UPRT: variants seen among roughly 807,000 people sequenced by gnomAD.
UPRT encodes RP11-311P8.3.
In UPRT, 5 loss-of-function variants were observed where a neutral mutation model predicts 22.6. The ratio of observed to expected loss-of-function variants is 0.22; its 90% CI spans 0.12 to 0.47. The LOEUF (loss-of-function observed/expected upper bound fraction) is 0.47, where lower values mean the gene tolerates loss of function less well. UPRT is among the 20% of genes least tolerant of loss of function. UPRT has a pLI of 0.99. For synonymous variants in UPRT, 77 were observed against 87.7 expected (o/e 0.88, Z 0.68); for missense variants, 181 against 239.9 (o/e 0.75, Z 1.62).
intron 4 of UPRT, among the ~76,000 whole-genome samples, chrX:75,238,530 A>G (rs1166244703): frequency 8.9e-6 from 1 of 111,884 alleles, no homozygotes; most frequent in East Asian, 2.8e-4. Flanking sequence ...ATAGTGGGAA[A>G]CTTCAGTACT....
At chrX:75,248,603 G>A (rs1466240734) in intron 4 of UPRT, among the ~76,000 whole-genome samples, 4 of 111,979 alleles carry the variant, frequency 3.6e-5, no homozygotes, top group African/African-American at 6.5e-5. Flanking sequence ...TGAAAGTGAC[G>A]GGGAGAATGG....
chrX:75,186,852 T>A (rs781028534), intron 4 of UPRT, among the ~76,000 whole-genome samples: 2 of 111,677 alleles, frequency 1.8e-5, no homozygotes, highest in South Asian at 7.5e-4. Flanking sequence ...AACCCCTGTC[T>A]TTTTTTGTTT....
At chrX:75,282,866 T>C (rs918941831) in intron 1 of UPRT, among the ~76,000 whole-genome samples, 1 of 111,943 alleles carries the variant, frequency 8.9e-6, no homozygotes, top group Non-Finnish European at 1.9e-5. Context: ...GTGCTGTCAG[T>C]GGAGTACTGA....
chrX:75,229,855 TTGAC>T (rs1293874684), intron 4 of UPRT, among the ~76,000 whole-genome samples: 1 of 111,703 alleles, frequency 9.0e-6, no homozygotes, highest in Admixed American at 9.5e-5. Context: ...TGTAATAATT[TTGAC>T]TGAGCACAAA....
intron 4 of UPRT, among the ~76,000 whole-genome samples, chrX:75,206,480 G>A (rs1390280234): frequency 9.0e-6 from 1 of 110,824 alleles, no homozygotes; most frequent in Non-Finnish European, 1.9e-5. Context: ...TTAAGAGCTG[G>A]AGTAGGGGCC....
In UPRT at chrX:75,180,695, G is replaced by GTTTTTTTTTTTTTT. The variant is rs61040746; in HGVS notation, c.-447+12828_-447+12841dup. Among the ~76,000 whole-genome samples the GTTTTTTTTTTTTTT allele has an allele frequency of 4.3e-4, 15 of 34,658 alleles. 1 individual carries two copies. Among genetic ancestry groups the GTTTTTTTTTTTTTT allele is most frequent in the African/African-American group, 1.9e-3 (15 of 7,794 alleles). 30.1% of individuals were successfully genotyped at this position (34,658 alleles called of 115,157 possible). The stretch of plus-strand genomic sequence containing the variant: ...CCCTTTTCTCTGTTTTTTTTTTTTT[G>GTTTTTTTTTTTTTT]TTTTTTTTTTTTTTTTTTTTTTTTT... On this transcript the variant is annotated intron_variant, in intron 4 of 13. Transcript: ENST00000652605.
Position 75,198,950 on chromosome X carries a change from T to A in UPRT, c.-447+31071T>A, listed in dbSNP as rs183125507. 4.5e-5 allele frequency among the ~76,000 whole-genome samples: 5 copies of A among 111,821 alleles called. No individual in the cohort carries two copies. In the East Asian group the frequency reaches 1.4e-3, roughly 32 times the overall value. On this transcript the variant is annotated intron_variant, in intron 4 of 13. Transcript: ENST00000652605. ...AGCAGAAAGCAAAACAGGGCTAAAC[T>A]CAGCCCTAGCCTGTCCACAGAAGAA...
In UPRT at chrX:75,274,308, A is replaced by G. The variant is rs775412150; in HGVS notation, c.54A>G (p.Val18=). The part of the protein sequence containing the change: ...PDSMPCHNQQ[V]NSASTPSPEQ... Reference sequence around the variant, plus strand: ...CCATGCCCTGTCACAACCAGCAAGTAAACTCTGCCTCAACCCCAAGTCCCG... The same window carrying G: ...CCATGCCCTGTCACAACCAGCAAGTGAACTCTGCCTCAACCCCAAGTCCCG... Residue 18 remains valine (V), a synonymous_variant, in exon 1 of 7, where the codon GTA becomes GTG. Coordinates refer to ENST00000373383, the MANE Select transcript of UPRT (RefSeq NM_145052.4). The G allele has an allele frequency of 1.7e-6, 2 of 1,209,739 alleles. No homozygotes were observed. The highest frequency in any genetic ancestry group is 3.0e-5 in the East Asian group (1 of 33,747).
At chrX:75,278,252 T>A (rs1183312951) in intron 1 of UPRT, among the ~76,000 whole-genome samples, 1 of 112,163 alleles carries the variant, frequency 8.9e-6, no homozygotes, top group Non-Finnish European at 1.9e-5. Context: ...TGTATATATG[T>A]GAAACAGGCA....
chrX:75,303,478 A>C lies in UPRT; in HGVS notation c.897A>C (p.Thr299=). ...LTTEVHPVAP[T]HFGQKYFGTD is the part of the protein sequence containing the mutation. The stretch of plus-strand genomic sequence containing the variant: ...CTGAAGTTCATCCTGTTGCACCTAC[A>C]CATTTTGGACAGAAATACTTTGGAA... Residue 299 remains threonine (T), a synonymous_variant, in exon 7 of 7, where the codon ACA becomes ACC. Coordinates refer to ENST00000373383, the MANE Select transcript of UPRT (RefSeq NM_145052.4). The C allele has an allele frequency of 8.3e-7, 1 of 1,202,554 alleles. No individual in the cohort carries two copies. Among genetic ancestry groups the C allele is most frequent in the Non-Finnish European group, 1.1e-6 (1 of 890,210 alleles).
intron 3 of UPRT, 64 bp from the exon 4 acceptor site, chrX:75,297,426 CT>C (rs2082729547): frequency 3.6e-6 from 4 of 1,124,444 alleles, no homozygotes; most frequent in Non-Finnish European, 4.9e-6. Flanking sequence ...ACCGTAGACA[CT>C]TTATAAAATA....
intron 4 of UPRT, among the ~76,000 whole-genome samples, chrX:75,185,853 G>C (rs1009648754): frequency 9.0e-6 from 1 of 111,192 alleles, no homozygotes; most frequent in African/African-American, 3.3e-5. Flanking sequence ...TATTTCTGTG[G>C]GATTGGTGGT....
chrX:75,300,745 C>T (rs1294648685), intron 5 of UPRT, 122 bp from the exon 6 acceptor site: 5 of 503,891 alleles, frequency 9.9e-6, no homozygotes. Flanking sequence ...CGAGATCATG[C>T]CACTGCACTC....
intron 4 of UPRT, among the ~76,000 whole-genome samples, chrX:75,168,213 A>G (rs1472794397): frequency 8.9e-6 from 1 of 112,119 alleles, no homozygotes; most frequent in African/African-American, 3.2e-5. Flanking sequence ...TGACCTGTCC[A>G]TCTCTGTACT....
At chrX:75,224,405 T>G (rs764719923) in intron 4 of UPRT, among the ~76,000 whole-genome samples, 1 of 111,182 alleles carries the variant, frequency 9.0e-6, no homozygotes, top group East Asian at 2.8e-4. Context: ...CTTATTATTA[T>G]TTCCTTCTTT....
chrX:75,297,233 C>T (rs757749007), intron 3 of UPRT, among the ~76,000 whole-genome samples: 1 of 111,526 alleles, frequency 9.0e-6, no homozygotes, highest in African/African-American at 3.3e-5. Context: ...ATGTGAATAT[C>T]GTGTTATAAT....
At chrX:75,191,818 A>G (rs1038886217) in intron 4 of UPRT, among the ~76,000 whole-genome samples, 12 of 111,924 alleles carry the variant, frequency 1.1e-4, no homozygotes, top group Admixed American at 1.9e-4. Context: ...GGAAGAGCGT[A>G]TTAGGGTGGG....
At chrX:75,235,805 A>G (rs1371239457) in intron 4 of UPRT, among the ~76,000 whole-genome samples, 1 of 111,778 alleles carries the variant, frequency 8.9e-6, no homozygotes, top group Non-Finnish European at 1.9e-5. Flanking sequence ...TCTCAAAATA[A>G]TAAGAGCTAT....
intron 4 of UPRT, among the ~76,000 whole-genome samples, chrX:75,213,986 A>G (rs2082386247): frequency 8.9e-6 from 1 of 112,201 alleles, no homozygotes; most frequent in Non-Finnish European, 1.9e-5. Context: ...GATTTAATTA[A>G]CACCAATTAA....
Sources: gnomAD v4.1 joint callset for allele counts (sites outside exome capture counted in the v4.1 genomes callset) on GRCh38, gnomAD v4.1.1 for gene constraint, MANE v1.5 for transcripts, NCBI Gene and HGNC (gene_info 2026-07-23, HGNC 2026-07-21) for gene names.